Variants in AHNAK2 observed in about 807,000 individuals in gnomAD.
AHNAK2 encodes the protein protein AHNAK2.
AHNAK2 carries 18 observed loss-of-function variants against 30.7 expected under a neutral mutation model. That is an observed-to-expected ratio of 0.59 (90% CI 0.41 to 0.87). The LOEUF is 0.87. AHNAK2 is among the 40% of genes least tolerant of loss of function. The pLI is 0.00. For missense variants in AHNAK2, 8,604 were observed against 7,373.0 expected (o/e 1.17, Z -6.11); for synonymous variants, 3,590 against 3,073.8 (o/e 1.17, Z -5.56).
In AHNAK2 at chr14:104,942,752, G is replaced by A. The variant is rs748153253; in HGVS notation, c.12699C>T (p.Gly4233=). Residue 4233 remains glycine, a synonymous_variant, in exon 7 of 7, where the codon GGC becomes GGT. Coordinates refer to ENST00000333244, the MANE Select transcript of AHNAK2 (RefSeq NM_138420.4). The part of the protein sequence containing the change: ...CLKMPKVALK[G]PQVDVKGPKL... Reference sequence around the variant, plus strand: ...TGGGGCCCTTGACATCCACCTGGGGGCCCTTGAGGGCCACTTTGGGCATCT... The same window carrying A: ...TGGGGCCCTTGACATCCACCTGGGGACCCTTGAGGGCCACTTTGGGCATCT... 5 of 1,612,772 alleles carry A rather than the reference G, an allele frequency of 3.1e-6. 1 individual carries two copies. The South Asian group carries it at 5.5e-5, about 18-fold the overall frequency.
rs777682333 is a variant in AHNAK2 at position 104,944,560 on chromosome 14, C to A, written c.10891G>T (p.Val3631Leu). 8.7e-6 allele frequency: 14 copies of A among 1,613,246 alleles called. No homozygotes were observed. Among genetic ancestry groups the A allele is most frequent in the African/African-American group, 1.3e-5 (1 of 74,806 alleles). ...EGDLSLADKD[V>L]TAKDSKFKMP... is the part of the protein sequence containing the mutation. ...TTGAACTTGCTGTCTTTGGCAGTCA[C>A]GTCCTTGTCAGCCAGGGACAGGTCT... The change falls in exon 7 of 7, where the codon GTG (valine) becomes TTG (leucine). Residue 3631 changes from valine (V) to leucine (L), a missense_variant. Physicochemically the swap from Val to Leu is conservative, Grantham distance 32. Transcript: ENST00000333244.
At position 104,949,986 on chromosome 14, in the gene AHNAK2, T is replaced by G. The variant is rs11847209; in HGVS notation, c.5465A>C (p.Lys1822Thr). The change falls in exon 7 of 7, where the codon AAG becomes ACG. Residue 1822 changes from lysine to threonine, a missense_variant. Transcript: ENST00000333244. ...CATCTTGAACTTGGGCATTTTGAAC[T>G]TGCTGTCTTTGGCAGTCACATCCTT... ...ADKDVTAKDS[K>T]FKMPKFKMPS... The G allele has an allele frequency of 8.4e-6, 13 of 1,555,236 alleles. No homozygotes were observed. The highest frequency in any genetic ancestry group is 1.1e-5 in the South Asian group (1 of 87,904).
At chr14:104,968,671 G>C (rs1248098943) in intron 1 of AHNAK2, among the ~76,000 whole-genome samples, 1 of 152,250 alleles carries the variant, frequency 6.6e-6, no homozygotes, top group African/African-American at 2.4e-5. Flanking sequence ...GCATTTGCAA[G>C]TCCCCAGGGC....
In AHNAK2 at chr14:104,951,763, T is replaced by C. The variant is rs1898726949; in HGVS notation, c.3688A>G (p.Lys1230Glu). 7.6e-7 allele frequency: 1 copy of C among 1,307,456 alleles called. No homozygotes were observed. The highest frequency in any genetic ancestry group is 1.1e-6 in the Non-Finnish European group (1 of 923,342). The allele number at this position is 1,307,456 out of a possible 1,614,324, so 81.0% of individuals were successfully genotyped here. ...LEVHAGQVDV[K>E]LLEGHVPEGA... ...TCAGGCACGTGGCCCTCCAGGAGCT[T>C]CACGTCCACCTGGCCAGCGTGGACC... Residue 1230 changes from lysine to glutamate, a missense_variant, in exon 7 of 7, where the codon AAG becomes GAG. Coordinates refer to ENST00000333244, the MANE Select transcript of AHNAK2 (RefSeq NM_138420.4).
intron 1 of AHNAK2, among the ~76,000 whole-genome samples, chr14:104,976,362 A>G (rs1403006004): frequency 1.3e-5 from 2 of 152,176 alleles, no homozygotes; most frequent in African/African-American, 4.8e-5. Flanking sequence ...GGCAGAGGGC[A>G]GGTTTGGACT....
chr14:104,967,247 G>C (rs1005533923), intron 1 of AHNAK2, among the ~76,000 whole-genome samples: 2 of 152,208 alleles, frequency 1.3e-5, no homozygotes, highest in African/African-American at 4.8e-5. Flanking sequence ...CAGGAGCCTG[G>C]ATGGGTTGGG....
At position 104,939,564 on chromosome 14, in the gene AHNAK2, T is replaced by A; in HGVS notation, c.15887A>T (p.Glu5296Val). 1.2e-6 allele frequency: 2 copies of A among 1,613,804 alleles called. No homozygotes were observed. Among genetic ancestry groups the A allele is most frequent in the Non-Finnish European group, 1.7e-6 (2 of 1,179,890 alleles). ...GMTGDELSTS[E>V]VRIHPSKGPL... ...TCCTTTGGATGGATGGATCCTGACC[T>A]CAGAAGTGGAAAGCTCATCCCCAGT... The change falls in exon 7 of 7, where the codon GAG (glutamate) becomes GTG (valine). Residue 5296 changes from glutamate (E) to valine (V), a missense_variant. Coordinates refer to ENST00000333244, the MANE Select transcript of AHNAK2 (RefSeq NM_138420.4).
Position 104,941,796 on chromosome 14 carries a change from G to A in AHNAK2, c.13655C>T (p.Pro4552Leu), listed in dbSNP as rs756464667. 6 of 1,613,466 alleles carry A rather than the reference G, an allele frequency of 3.7e-6. No homozygotes were observed. Among genetic ancestry groups the A allele is most frequent in the Middle Eastern group, 1.7e-4 (1 of 6,058 alleles). ...GTCCACTTTGGGCATCTTGAAACTG[G>A]GCATCTCCACCTTGGGCAGGTGCCC... ...LKGHLPKVEM[P>L]SFKMPKVDLK... Residue 4552 changes from proline to leucine, a missense_variant, in exon 7 of 7, where the codon CCC becomes CTC. Pro to Leu is a moderately conservative substitution (Grantham distance 98). Transcript: ENST00000333244.
In AHNAK2 at chr14:104,947,320, G is replaced by T. The variant is rs144318365; in HGVS notation, c.8131C>A (p.Gln2711Lys). The change falls in exon 7 of 7, where the codon CAG (glutamine) becomes AAG (lysine). Residue 2711 changes from glutamine to lysine, a missense_variant. Gln to Lys is a moderately conservative substitution (Grantham distance 53). Coordinates refer to ENST00000333244, the MANE Select transcript of AHNAK2 (RefSeq NM_138420.4). ...CCCTCTGGGAGTTTCACATCCACCTGGCCAGCCTGGACCTCCAGTTGGGCA... is the reference window on the plus strand; with the variant it reads ...CCCTCTGGGAGTTTCACATCCACCTTGCCAGCCTGGACCTCCAGTTGGGCA... ...PSAQLEVQAG[Q>K]VDVKLPEGHV... is the part of the protein sequence containing the mutation. The T allele has an allele frequency of 1.4e-3, 2,285 of 1,611,990 alleles. 100 individuals are homozygous for T. The African/African-American group carries it at 0.027, about 19-fold the overall frequency.
Position 104,954,586 on chromosome 14 carries a change from C to A in AHNAK2, c.865G>T (p.Asp289Tyr), listed in dbSNP as rs1382947378. ...CTTGTAGGGGACACGTCATGTGCGT[C>A]CCTAGGTTCGTAGGCCTCTGACGAG... ...HSSSEAYEPR[D>Y]AHDVSPTSTD... The change falls in exon 7 of 7, where the codon GAC (aspartate) becomes TAC (tyrosine). Residue 289 changes from aspartate to tyrosine, a missense_variant. Coordinates refer to ENST00000333244, the MANE Select transcript of AHNAK2 (RefSeq NM_138420.4). This position sits in a 1 kb window ranked among gnomAD's most constrained non-coding sequence, Gnocchi z 4.3. 3 of 1,609,584 alleles carry A rather than the reference C, an allele frequency of 1.9e-6. No individual in the cohort carries two copies. The highest frequency in any genetic ancestry group is 2.5e-6 in the Non-Finnish European group (3 of 1,178,018).
Position 104,942,030 on chromosome 14 carries a change from C to T in AHNAK2, c.13421G>A (p.Gly4474Glu). 1 of 1,612,522 alleles carries T rather than the reference C, an allele frequency of 6.2e-7. No homozygotes were observed. Among genetic ancestry groups the T allele is most frequent in the Non-Finnish European group, 8.5e-7 (1 of 1,179,472 alleles). Residue 4474 changes from glycine to glutamate, a missense_variant, in exon 7 of 7, where the codon GGG (glycine) becomes GAG (glutamate). Gly to Glu is a moderately conservative substitution (Grantham distance 98). Transcript: ENST00000333244. Reference protein sequence around the residue: ...KMPKFKMPSFGMLSPGKSIEV... With the variant: ...KMPKFKMPSFEMLSPGKSIEV... Reference sequence around the variant, plus strand: ...GATGGACTTGCCTGGGGACAACATCCCAAAGGATGGCATCTTGAACTTGGG... The same window carrying T: ...GATGGACTTGCCTGGGGACAACATCTCAAAGGATGGCATCTTGAACTTGGG...
In AHNAK2 at chr14:104,950,741, G is replaced by C. The variant is rs561568449; in HGVS notation, c.4710C>G (p.Ala1570=). The change falls in exon 7 of 7, where the codon GCC becomes GCG. Residue 1570 remains alanine, a synonymous_variant. Coordinates refer to ENST00000333244, the MANE Select transcript of AHNAK2 (RefSeq NM_138420.4). Reference sequence around the variant, plus strand: ...CTTTGGGCAGGTGCCCTTTGAGGCCGGCTCCCTCGGACACAGGGCCCTCTG... The same window carrying C: ...CTTTGGGCAGGTGCCCTTTGAGGCCCGCTCCCTCGGACACAGGGCCCTCTG... ...KLPEGPVSEG[A]GLKGHLPKVQ... 6.3e-7 allele frequency: 1 copy of C among 1,587,366 alleles called. No individual in the cohort carries two copies. Among genetic ancestry groups the C allele is most frequent in the African/African-American group, 1.4e-5 (1 of 73,618 alleles).
rs1236192040 is a variant in AHNAK2 at position 104,953,050 on chromosome 14, C to T, written c.2401G>A (p.Val801Met). 3.1e-6 allele frequency: 5 copies of T among 1,613,362 alleles called. No homozygotes were observed. The highest frequency in any genetic ancestry group is 1.3e-5 in the African/African-American group (1 of 74,642). Residue 801 changes from valine (V) to methionine (M), a missense_variant, in exon 7 of 7, where the codon GTG (valine) becomes ATG (methionine). Val to Met is a conservative substitution (Grantham distance 21). Coordinates refer to ENST00000333244, the MANE Select transcript of AHNAK2 (RefSeq NM_138420.4). Reference sequence around the variant, plus strand: ...TTTGCTCTCGGGGCCTGGACGTCCACCTCCATGCTGGACAGAGACATCTTC... The same window carrying T: ...TTTGCTCTCGGGGCCTGGACGTCCATCTCCATGCTGGACAGAGACATCTTC... ...DVKMSLSSME[V>M]DVQAPRAKLD...
rs775604112 is a variant in AHNAK2, at chr14:104,943,117, C to A, written c.12334G>T (p.Gly4112Cys). Residue 4112 changes from glycine to cysteine, a missense_variant, in exon 7 of 7, where the codon GGT becomes TGT. Coordinates refer to ENST00000333244, the MANE Select transcript of AHNAK2 (RefSeq NM_138420.4). Reference sequence around the variant, plus strand: ...GACAGGTCCCCCTCCAGCTGCACACCATCCAGCTTTGCTCTCGGGGCCTGG... The same window carrying A: ...GACAGGTCCCCCTCCAGCTGCACACAATCCAGCTTTGCTCTCGGGGCCTGG... The part of the protein sequence containing the change: ...DVQAPRAKLD[G>C]VQLEGDLSLA... 4 of 1,612,090 alleles carry A rather than the reference C, an allele frequency of 2.5e-6. No homozygotes were observed. The highest frequency in any genetic ancestry group is 3.4e-6 in the Non-Finnish European group (4 of 1,179,206).
intron 1 of AHNAK2, among the ~76,000 whole-genome samples, chr14:104,964,438 G>A (rs527450259): frequency 6.6e-6 from 1 of 152,256 alleles, no homozygotes; most frequent in South Asian, 2.1e-4. Flanking sequence ...GCCTTACCCT[G>A]TGGCCCAGCA....
In AHNAK2 at chr14:104,954,940, G is replaced by C. The variant is rs548794352; in HGVS notation, c.651+17C>G. On this transcript the variant is annotated intron_variant, in intron 6 of 6. Transcript: ENST00000333244. The surrounding 1 kb of genome is among the most constrained non-coding windows in gnomAD (Gnocchi z 4.3). ...GAAGCCAGCTGGGGCCCTGCCCCCC[G>C]GGCATAGTGGTCTCACCTCCTTCTC... The C allele has an allele frequency of 1.9e-6, 3 of 1,600,360 alleles. No homozygotes were observed. Among genetic ancestry groups the C allele is most frequent in the South Asian group, 1.1e-5 (1 of 90,024 alleles).
At chr14:104,962,875 T>G (rs942610465) in intron 1 of AHNAK2, among the ~76,000 whole-genome samples, 2 of 152,148 alleles carry the variant, frequency 1.3e-5, no homozygotes, top group Admixed American at 1.3e-4. Context: ...AAATGAATCA[T>G]AGAGGGGAAT....
chr14:104,975,348 C>T (rs1899566608), intron 1 of AHNAK2, among the ~76,000 whole-genome samples: 1 of 152,232 alleles, frequency 6.6e-6, no homozygotes, highest in African/African-American at 2.4e-5. Context: ...GCAGGCAGCC[C>T]AGCCTCCCTC....
intron 1 of AHNAK2, among the ~76,000 whole-genome samples, chr14:104,962,299 T>A (rs1210485353): frequency 2.0e-5 from 3 of 152,300 alleles, no homozygotes; most frequent in Admixed American, 2.0e-4. Flanking sequence ...ATAACTTCAG[T>A]CATCCGAGTT....
Sources: allele counts gnomAD v4.1 joint callset (sites outside exome capture counted in the v4.1 genomes callset), GRCh38; gene constraint gnomAD v4.1.1; non-coding constraint Gnocchi (gnomAD v3.1); transcripts MANE v1.5; gene names NCBI Gene and HGNC (gene_info 2026-07-23, HGNC 2026-07-21).